The following BTBD8 variants were observed in gnomAD, a reference collection of about 807,000 sequenced individuals.
BTBD8 encodes BTB/POZ domain-containing protein 8.
Under a neutral mutation model 162.9 loss-of-function variants are expected in BTBD8, and 110 were observed. The ratio of observed to expected loss-of-function variants is 0.68; its 90% CI spans 0.58 to 0.79. The LOEUF (loss-of-function observed/expected upper bound fraction) is 0.79, where lower values mean the gene tolerates loss of function less well. BTBD8 is among the 30% of genes least tolerant of loss of function. The probability of loss-of-function intolerance (pLI) is 0.00; values close to 1 mark genes in which losing one functional copy is unlikely to be tolerated. For missense variants in BTBD8, 1,905 were observed against 2,085.4 expected (o/e 0.91, Z 1.68); for synonymous variants, 667 against 716.1 (o/e 0.93, Z 1.10).
At chr1:92,178,494 G>C in intron 16 of BTBD8, 43 bp downstream of exon 16, 4 of 1,475,562 alleles carry the variant, frequency 2.7e-6, no homozygotes, top group Non-Finnish European at 3.6e-6. Flanking sequence ...TTATTTCCTT[G>C]TGTAAACTGG....
At chr1:92,110,906 A>G (rs189384707) in intron 4 of BTBD8, among the ~76,000 whole-genome samples, 55 of 151,500 alleles carry the variant, frequency 3.6e-4, no homozygotes, top group African/African-American at 1.3e-3. Flanking sequence ...GTTGAATGTT[A>G]TATTTTTAAG....
intron 9 of BTBD8, among the ~76,000 whole-genome samples, chr1:92,163,502 T>C (rs543212511): frequency 4.0e-5 from 6 of 151,786 alleles, no homozygotes; most frequent in Admixed American, 3.9e-4. Flanking sequence ...AAAAATAATA[T>C]TGGTTGTAAA....
At chr1:92,103,052 C>T (rs1443981679) in intron 3 of BTBD8, among the ~76,000 whole-genome samples, 2 of 152,022 alleles carry the variant, frequency 1.3e-5, no homozygotes, top group African/African-American at 4.8e-5. Context: ...TGGCATTTTA[C>T]CATGAAAGAG....
chr1:92,107,671 ACTATAT>A (rs1648769767), intron 3 of BTBD8, among the ~76,000 whole-genome samples: 1 of 152,178 alleles, frequency 6.6e-6, no homozygotes. Flanking sequence ...GCAATGCATG[ACTATAT>A]CTATATTTAC....
chr1:92,163,083 G>A (rs773946889), intron 9 of BTBD8, among the ~76,000 whole-genome samples: 3 of 151,768 alleles, frequency 2.0e-5, no homozygotes, highest in South Asian at 4.2e-4. Context: ...GGCCAGGCGC[G>A]GTGGCTCATG....
rs1030771633 is a variant in BTBD8 at position 92,087,018 on chromosome 1, T to C, written c.150-1680T>C. Among the ~76,000 whole-genome samples the C allele has an allele frequency of 1.2e-4, 19 of 152,218 alleles. 1 individual carries two copies. The highest frequency in any genetic ancestry group is 9.2e-4 in the Admixed American group (14 of 15,290). ...CTTGGCATCATTGAGACTTCTCCAG[T>C]CTGTCCTTCCTCTGGACTTTACTAT... On this transcript the variant is annotated intron_variant, in intron 1 of 17. Transcript: ENST00000636805.
rs1647960834 is a variant in BTBD8 at position 92,080,386 on chromosome 1, C to T, written c.-186C>T. On this transcript the variant is annotated 5_prime_UTR_variant, in exon 1 of 18. Transcript: ENST00000636805. ...CCGGCTCGGTTCTGGGATTCTGAGG[C>T]TCCCCACCGCGGTCCGGCTTCTCTG... The T allele has an allele frequency of 5.1e-6, 4 of 780,440 alleles. No homozygotes were observed. Among genetic ancestry groups the T allele is most frequent in the Non-Finnish European group, 7.8e-6 (4 of 514,414 alleles). The allele number at this position is 780,440 out of a possible 1,614,324, so 48.3% of individuals were successfully genotyped here.
chr1:92,111,001 T>G (rs1648876938), intron 4 of BTBD8, among the ~76,000 whole-genome samples: 1 of 152,096 alleles, frequency 6.6e-6, no homozygotes, highest in Admixed American at 6.6e-5. Context: ...TCCTTTTTTT[T>G]TTTTTCCTAA....
chr1:92,123,065 A>G (rs1649258165), intron 4 of BTBD8, among the ~76,000 whole-genome samples: 1 of 152,124 alleles, frequency 6.6e-6, no homozygotes, highest in East Asian at 1.9e-4. Context: ...TTTTTCTACA[A>G]ACATCCTGTT....
chr1:92,173,744 C>T (rs1177898415), intron 13 of BTBD8, among the ~76,000 whole-genome samples: 1 of 152,048 alleles, frequency 6.6e-6, no homozygotes, highest in Admixed American at 6.5e-5. Context: ...TCTTAGTTTG[C>T]TTATTTATAA....
intron 12 of BTBD8, among the ~76,000 whole-genome samples, chr1:92,169,679 G>T (rs1383087034): frequency 6.6e-6 from 1 of 152,214 alleles, no homozygotes; most frequent in East Asian, 1.9e-4. Flanking sequence ...GGCATATTCA[G>T]TGTGTATACT....
At chr1:92,138,201 C>G (rs552339653) in intron 5 of BTBD8, among the ~76,000 whole-genome samples, 3 of 152,130 alleles carry the variant, frequency 2.0e-5, no homozygotes, top group East Asian at 3.9e-4. Context: ...GTGCTTTTGC[C>G]CCCCACAACT....
intron 9 of BTBD8, among the ~76,000 whole-genome samples, chr1:92,148,971 T>A (rs1649986082): frequency 6.6e-6 from 1 of 152,136 alleles, no homozygotes; most frequent in South Asian, 2.1e-4. Context: ...AGAACCCAAT[T>A]TGGGCAGTGC....
chr1:92,167,988 A>G lies in BTBD8; in HGVS notation c.1443+3A>G, dbSNP rs1650428167. On this transcript the variant is annotated splice_donor_region_variant and intron_variant, in intron 11 of 17. Transcript: ENST00000636805. ...ACTCTGACAGTACAAAGGAAATGGT[A>G]CTGAATGTAATGAAATTTATTAAAA... 5.9e-6 allele frequency: 9 copies of G among 1,531,042 alleles called. No individual in the cohort carries two copies. The highest frequency in any genetic ancestry group is 1.4e-5 in the African/African-American group (1 of 72,330). The allele number at this position is 1,531,042 out of a possible 1,614,324, so 94.8% of individuals were successfully genotyped here.
chr1:92,090,210 C>T (rs1648261023), intron 2 of BTBD8, among the ~76,000 whole-genome samples: 2 of 152,174 alleles, frequency 1.3e-5, no homozygotes, highest in African/African-American at 4.8e-5. Context: ...TTTTGAGAAA[C>T]TGCTGAACTG....
Position 92,177,154 on chromosome 1 carries a change from C to T in BTBD8, c.1961C>T (p.Ser654Leu), listed in dbSNP as rs1484719057. Residue 654 changes from serine to leucine, a missense_variant, in exon 14 of 18, where the codon TCA becomes TTA. Physicochemically the swap from Ser to Leu is moderately radical, Grantham distance 145. Coordinates refer to ENST00000636805, the MANE Select transcript of BTBD8 (RefSeq NM_001376131.1). Reference sequence around the variant, plus strand: ...GATAAGGCACGGTTGGAAAACATGTCACCTAGACAAGTTGTAGAAAGATCA... The same window carrying T: ...GATAAGGCACGGTTGGAAAACATGTTACCTAGACAAGTTGTAGAAAGATCA... The part of the protein sequence containing the change: ...NGDKARLENM[S>L]PRQVVERSAT... 6.4e-7 allele frequency: 1 copy of T among 1,551,730 alleles called. No homozygotes were observed. Among genetic ancestry groups the T allele is most frequent in the African/African-American group, 1.4e-5 (1 of 73,134 alleles).
intron 2 of BTBD8, among the ~76,000 whole-genome samples, chr1:92,101,058 CT>C (rs1487166382): frequency 6.6e-6 from 1 of 152,114 alleles, no homozygotes; most frequent in Non-Finnish European, 1.5e-5. Flanking sequence ...AATTTGTAGT[CT>C]TTTATCCCTC....
intron 1 of BTBD8, among the ~76,000 whole-genome samples, chr1:92,081,826 G>A (rs1198026961): frequency 6.6e-6 from 1 of 152,086 alleles, no homozygotes; most frequent in Non-Finnish European, 1.5e-5. Flanking sequence ...CGCCCGCCTC[G>A]GCCTCCCAAA....
intron 2 of BTBD8, among the ~76,000 whole-genome samples, chr1:92,090,248 A>G (rs1648261977): frequency 6.6e-6 from 1 of 152,160 alleles, no homozygotes; most frequent in South Asian, 2.1e-4. Context: ...AATATTTTAC[A>G]TTCCCACTAG....
Sources: gnomAD v4.1 joint callset for allele counts (sites outside exome capture counted in the v4.1 genomes callset) on GRCh38, gnomAD v4.1.1 for gene constraint, MANE v1.5 for transcripts, NCBI Gene and HGNC (gene_info 2026-07-23, HGNC 2026-07-21) for gene names.